ATP6V1D: variants seen among roughly 807,000 people sequenced by gnomAD.
The protein encoded by ATP6V1D is V-type proton ATPase subunit D.
Under a neutral mutation model 39.4 loss-of-function variants are expected in ATP6V1D, and 20 were observed. The observed-to-expected ratio is 0.51, with a 90% confidence interval of 0.36 to 0.74. The LOEUF (loss-of-function observed/expected upper bound fraction) is 0.74. Ranked by LOEUF, ATP6V1D falls within the 30% of genes least tolerant of loss-of-function variation. ATP6V1D has a pLI of 0.00. For missense variants in ATP6V1D, 228 were observed against 291.6 expected, an observed-to-expected ratio of 0.78 and a Z score of 1.59; for synonymous variants, 100 against 100.5, an observed-to-expected ratio of 0.99 and a Z score of 0.03.
At position 67,345,801 on chromosome 14, in the gene ATP6V1D, T is replaced by G. The variant is rs1477583222; in HGVS notation, c.423A>C (p.Ala141=). 1.2e-6 allele frequency: 2 copies of G among 1,613,996 alleles called. No homozygotes were observed. Among genetic ancestry groups the G allele is most frequent in the Non-Finnish European group, 1.7e-6 (2 of 1,179,974 alleles). The change falls in exon 6 of 9, where the codon GCA becomes GCC. Residue 141 remains alanine, a synonymous_variant. Transcript: ENST00000216442. ...AAGCTAGTTCCACCAGTAGTTCCAC[T>G]GCTTTGGCATAATTCCTCTTTAATT... is the stretch of plus-strand genomic sequence containing the variant. ...LAKLKRNYAK[A]VELLVELASL... is the part of the protein sequence containing the mutation.
chr14:67,358,108 G>C (rs1396216226), intron 1 of ATP6V1D, among the ~76,000 whole-genome samples: 2 of 152,098 alleles, frequency 1.3e-5, no homozygotes, highest in Non-Finnish European at 2.9e-5. Flanking sequence ...GGGGGCGGCG[G>C]GGGGCGGCCT....
intron 1 of ATP6V1D, 73 bp downstream of exon 1, chr14:67,359,585 G>A: frequency 6.5e-7 from 1 of 1,540,212 alleles, no homozygotes; most frequent in Non-Finnish European, 9.0e-7. Context: ...CCTCACTGTG[G>A]CCCAGGGTCT....
At position 67,350,626 on chromosome 14, in the gene ATP6V1D, G is replaced by A; in HGVS notation, c.224C>T (p.Thr75Ile). 6.2e-7 allele frequency: 1 copy of A among 1,613,508 alleles called. No homozygotes were observed. The highest frequency in any genetic ancestry group is 8.5e-7 in the Non-Finnish European group (1 of 1,179,698). Residue 75 changes from threonine (T) to isoleucine (I), a missense_variant, in exon 3 of 9, where the codon ACA (threonine) becomes ATA (isoleucine). Physicochemically the swap from Thr to Ile is moderately conservative, Grantham distance 89. Transcript: ENST00000216442. ...GTCCCCTTACCTGAAGTCACCTGCT[G>A]TGAACTTGGCTTCAGCTAGTGAAAA... is the stretch of plus-strand genomic sequence containing the variant. The part of the protein sequence containing the change: ...AAFSLAEAKF[T>I]AGDFSTTVIQ...
chr14:67,350,531 T>C (rs2085649036), intron 3 of ATP6V1D, 80 bp downstream of exon 3: 7 of 1,294,870 alleles, frequency 5.4e-6, no homozygotes. Flanking sequence ...TATTTCTAAA[T>C]TAAAAAATGC....
chr14:67,346,309 T>C (rs1412588141), intron 5 of ATP6V1D, among the ~76,000 whole-genome samples: 1 of 152,150 alleles, frequency 6.6e-6, no homozygotes, highest in African/African-American at 2.4e-5. Context: ...AGAAAGAATA[T>C]TATTTGTTTA....
At chr14:67,350,753 A>G in intron 2 of ATP6V1D, 63 bp from the exon 3 acceptor site, 1 of 1,443,514 alleles carries the variant, frequency 6.9e-7, no homozygotes. Context: ...ATTCCATCAT[A>G]ATTATGTTCC....
In ATP6V1D at chr14:67,338,608, A is replaced by G; in HGVS notation, c.*13T>C. On this transcript the variant is annotated 3_prime_UTR_variant, in exon 9 of 9. Coordinates refer to ENST00000216442, the MANE Select transcript of ATP6V1D (RefSeq NM_015994.4). ...CAGTGTTAGGGTTTCTCAAAGAACC[A>G]GAACAGGAAAGATTATTCAAATAGA... 6.2e-7 allele frequency: 1 copy of G among 1,609,582 alleles called. No homozygotes were observed.
intron 7 of ATP6V1D, among the ~76,000 whole-genome samples, chr14:67,342,379 T>A (rs2085591925): frequency 6.6e-6 from 1 of 151,796 alleles, no homozygotes; most frequent in Non-Finnish European, 1.5e-5. Context: ...ATGTGCTGAA[T>A]TCTATGAATA....
intron 1 of ATP6V1D, among the ~76,000 whole-genome samples, chr14:67,356,244 A>AC (rs2085684187): frequency 6.6e-6 from 1 of 151,980 alleles, no homozygotes; most frequent in South Asian, 2.1e-4. Context: ...ACATAGTGAA[A>AC]CCCCATCTCT....
rs1450524561 is a variant in ATP6V1D, at chr14:67,342,055, T to C, written c.523+1317A>G. 8.5e-5 allele frequency among the ~76,000 whole-genome samples: 13 copies of C among 152,174 alleles called. No homozygotes were observed. In the South Asian group the frequency reaches 2.5e-3, roughly 29 times the overall value. On this transcript the variant is annotated intron_variant, in intron 7 of 8. Transcript: ENST00000216442. ...CACGGACACAAACACTGCGGAAGTC[T>C]GCAGGGTCCTCTGCCTAGGAAAACC...
chr14:67,345,462 G>T (rs2085613427), intron 6 of ATP6V1D, among the ~76,000 whole-genome samples: 1 of 151,922 alleles, frequency 6.6e-6, no homozygotes, highest in African/African-American at 2.4e-5. Context: ...GGCTGAGGCA[G>T]AAGAATCACT....
intron 3 of ATP6V1D, among the ~76,000 whole-genome samples, chr14:67,349,352 C>T (rs2085642207): frequency 6.6e-6 from 1 of 152,128 alleles, no homozygotes; most frequent in South Asian, 2.1e-4. Flanking sequence ...TTTTAAAGTT[C>T]GTGGATTGCT....
chr14:67,347,279 A>G (rs1034906906), intron 5 of ATP6V1D, 130 bp downstream of exon 5: 6 of 721,436 alleles, frequency 8.3e-6, no homozygotes, highest in African/African-American at 7.2e-5. Context: ...TGTCCTGACT[A>G]TATCAAATAA....
At chr14:67,347,496 T>TTC (rs201034756) in intron 4 of ATP6V1D, 43 bp from the exon 5 acceptor site, 13 of 1,424,968 alleles carry the variant, frequency 9.1e-6, no homozygotes, top group Non-Finnish European at 1.2e-5. Flanking sequence ...AACCTTTAAG[T>TTC]TCTCTCTTTT....
intron 5 of ATP6V1D, among the ~76,000 whole-genome samples, chr14:67,346,616 A>G (rs767483646): frequency 6.6e-6 from 1 of 152,082 alleles, no homozygotes; most frequent in Non-Finnish European, 1.5e-5. Context: ...TGCCTGGCCA[A>G]GAATATTGTT....
At chr14:67,342,063 C>T (rs952645383) in intron 7 of ATP6V1D, among the ~76,000 whole-genome samples, 2 of 152,042 alleles carry the variant, frequency 1.3e-5, no homozygotes, top group South Asian at 2.1e-4. Flanking sequence ...TCTGCAGGGT[C>T]CTCTGCCTAG....
At chr14:67,352,611 G>A (rs1488597100) in intron 2 of ATP6V1D, 2 of 212,110 alleles carry the variant, frequency 9.4e-6, no homozygotes, top group Non-Finnish European at 1.9e-5. Flanking sequence ...ATAAGTTCTG[G>A]GGAAAGAGTA....
intron 1 of ATP6V1D, among the ~76,000 whole-genome samples, chr14:67,357,037 CAATTTT>C (rs1231842080): frequency 2.0e-5 from 3 of 152,136 alleles, no homozygotes; most frequent in African/African-American, 7.2e-5. Context: ...GTGAAATGGG[CAATTTT>C]AATTCCTGAA....
chr14:67,342,557 C>CTTTT (rs767148771), intron 7 of ATP6V1D, among the ~76,000 whole-genome samples: 19,571 of 136,650 alleles, frequency 0.14, 2,652 homozygotes, highest in East Asian at 0.4. Flanking sequence ...ACGAATTATC[C>CTTTT]TTTTTTTTTT....
Sources: gnomAD v4.1 joint callset for allele counts (sites outside exome capture counted in the v4.1 genomes callset) on GRCh38, gnomAD v4.1.1 for gene constraint, MANE v1.5 for transcripts, NCBI Gene and HGNC (gene_info 2026-07-23, HGNC 2026-07-21) for gene names.